The following HAL variants were observed in gnomAD, a reference collection of about 807,000 sequenced individuals.
The protein encoded by HAL is histidine ammonia-lyase.
In HAL, 85 loss-of-function variants were observed where a neutral mutation model predicts 81.1. The observed-to-expected ratio is 1.05, with a 90% CI of 0.88 to 1.25. The LOEUF (loss-of-function observed/expected upper bound fraction) is 1.25, where lower values mean the gene tolerates loss of function less well. HAL is among the 50% of genes most tolerant of loss of function. HAL has a pLI of 0.00. For synonymous variants in HAL, 301 were observed against 309.2 expected (o/e 0.97, Z 0.28); for missense variants, 798 against 836.6 (o/e 0.95, Z 0.57).
chr12:95,995,571 C>T (rs1477826164), intron 2 of HAL, 93 bp downstream of exon 2: 37 of 1,549,782 alleles, frequency 2.4e-5, no homozygotes, highest in Non-Finnish European at 3.2e-5. Flanking sequence ...CTGACCTCTG[C>T]TCATCATTTT....
chr12:95,983,963 G>A lies in HAL; in HGVS notation c.1235C>T (p.Ala412Val), dbSNP rs1177362718. The A allele has an allele frequency of 1.3e-6, 2 of 1,585,626 alleles. No individual in the cohort carries two copies. The highest frequency in any genetic ancestry group is 1.9e-4 in the Middle Eastern group (1 of 5,390). Reference sequence around the variant, plus strand: ...TGTGGTAATGATGTTCTTCACAAATGCTATTGTATCATTCACCACACCATG... The same window carrying A: ...TGTGGTAATGATGTTCTTCACAAATACTATTGTATCATTCACCACACCATG... ...QVHGVVNDTI[A>V]FVKNIITTEL... Residue 412 changes from alanine to valine, a missense_variant, in exon 15 of 21, where the codon GCA becomes GTA. Physicochemically the swap from Ala to Val is moderately conservative, Grantham distance 64. Coordinates refer to ENST00000261208, the MANE Select transcript of HAL (RefSeq NM_002108.4).
Position 95,986,118 on chromosome 12 carries a change from G to A in HAL, c.1094C>T (p.Ala365Val), listed in dbSNP as rs1337150738. The A allele has an allele frequency of 6.2e-7, 1 of 1,612,730 alleles. No individual in the cohort carries two copies. The highest frequency in any genetic ancestry group is 2.2e-5 in the East Asian group (1 of 44,888). The change falls in exon 13 of 21, where the codon GCT becomes GTT. Residue 365 changes from alanine (A) to valine (V), a missense_variant. Transcript: ENST00000261208. ...GTCCAAGAGTGACCGAAACCGAAAA[G>A]CAACTTCAATTTGCCCACGGTGAGG... is the stretch of plus-strand genomic sequence containing the variant. ...LRPHRGQIEV[A>V]FRFRSLLDSD... is the part of the protein sequence containing the mutation.
rs143523601 is a variant in HAL, at chr12:95,977,908, C to G, written c.1654+36G>C. ...GAGAACCACGGGCACAGTGGTCTATCAGGCAGGCCCGCCACCCCGAACTCA... is the reference window on the plus strand; with the variant it reads ...GAGAACCACGGGCACAGTGGTCTATGAGGCAGGCCCGCCACCCCGAACTCA... On this transcript the variant is annotated intron_variant, in intron 18 of 20. Coordinates refer to ENST00000261208, the MANE Select transcript of HAL (RefSeq NM_002108.4). The G allele has an allele frequency of 4.2e-4, 683 of 1,612,082 alleles. 3 individuals carry two copies. In the African/African-American group the frequency reaches 7.9e-3, roughly 19 times the overall value.
chr12:95,989,231 G>C (rs749980857), intron 10 of HAL, among the ~76,000 whole-genome samples: 1 of 152,208 alleles, frequency 6.6e-6, no homozygotes, highest in African/African-American at 2.4e-5. Flanking sequence ...ACCCAGGCTA[G>C]AGCGAGCACA....
chr12:95,985,861 A>T, intron 14 of HAL, 47 bp downstream of exon 14: 3 of 1,324,710 alleles, frequency 2.3e-6, no homozygotes, highest in Non-Finnish European at 2.1e-6. Flanking sequence ...GGAAAGAAAA[A>T]CTTTATTGGC....
chr12:95,975,347 C>CTTT (rs35532808), intron 20 of HAL, among the ~76,000 whole-genome samples: 18,757 of 141,826 alleles, frequency 0.13, 1,406 homozygotes, highest in African/African-American at 0.19. Flanking sequence ...CCTCTTTTTT[C>CTTT]TTTTTTTTTT....
At chr12:95,993,354 C>T (rs1159773384) in intron 8 of HAL, 97 bp downstream of exon 8, 3 of 854,792 alleles carry the variant, frequency 3.5e-6, no homozygotes, top group Non-Finnish European at 6.2e-6. Context: ...TTTTGAGAAA[C>T]TAGCTTTTTG....
At position 95,983,973 on chromosome 12, in the gene HAL, C is replaced by A. The variant is rs1346814525; in HGVS notation, c.1225G>T (p.Asp409Tyr). The change falls in exon 15 of 21, where the codon GAT (aspartate) becomes TAT (tyrosine). Residue 409 changes from aspartate to tyrosine, a missense_variant. Asp to Tyr is a radical substitution (Grantham distance 160). Coordinates refer to ENST00000261208, the MANE Select transcript of HAL (RefSeq NM_002108.4). ...ATGTTCTTCACAAATGCTATTGTATCATTCACCACACCATGGACCTAAAAT... is the reference window on the plus strand; with the variant it reads ...ATGTTCTTCACAAATGCTATTGTATAATTCACCACACCATGGACCTAAAAT... ...CCPQVHGVVN[D>Y]TIAFVKNIIT... 1.3e-6 allele frequency: 2 copies of A among 1,568,402 alleles called. No individual in the cohort carries two copies. The highest frequency in any genetic ancestry group is 1.7e-5 in the Admixed American group (1 of 59,938).
In HAL at chr12:95,993,450, C is replaced by T. The variant is rs754607704; in HGVS notation, c.589+1G>A. On this transcript the variant is annotated splice_donor_variant, in intron 8 of 20. Transcript: ENST00000261208. LOFTEE classifies it high-confidence loss of function. ...AGGAGGCACCCAACGTTTTGACTTA[C>T]CTGAAGAATGTGAGCGTACTAAGTT... The T allele has an allele frequency of 6.3e-7, 1 of 1,597,568 alleles. No individual in the cohort carries two copies. Among genetic ancestry groups the T allele is most frequent in the Non-Finnish European group, 8.6e-7 (1 of 1,164,854 alleles).
Position 95,993,503 on chromosome 12 carries a change from TA to T in HAL, c.552-16del. On this transcript the variant is annotated splice_polypyrimidine_tract_variant and intron_variant, in intron 7 of 20. Coordinates refer to ENST00000261208, the MANE Select transcript of HAL (RefSeq NM_002108.4). ...CCTGAAGCTCCCTGCAACAGAAAGG[TA>T]AAAACCCTCTTAGATACATTGCAGT... is the stretch of plus-strand genomic sequence containing the variant. The T allele has an allele frequency of 6.4e-7, 1 of 1,567,768 alleles. No homozygotes were observed. The highest frequency in any genetic ancestry group is 8.8e-7 in the Non-Finnish European group (1 of 1,137,628).
At chr12:95,985,199 G>A (rs1290465853) in intron 14 of HAL, among the ~76,000 whole-genome samples, 2 of 152,108 alleles carry the variant, frequency 1.3e-5, no homozygotes, top group East Asian at 3.8e-4. Flanking sequence ...CTGACTATCT[G>A]GTTAAAGTTT....
chr12:95,988,318 A>T, intron 10 of HAL, 78 bp from the exon 11 acceptor site: 1 of 806,992 alleles, frequency 1.2e-6, no homozygotes. Context: ...GGAATCCAAT[A>T]ATAGCTCTTT....
Position 95,988,951 on chromosome 12 carries a change from C to G in HAL, c.856-711G>C, listed in dbSNP as rs140601988. Among the ~76,000 whole-genome samples the G allele has an allele frequency of 2.5e-3, 375 of 152,284 alleles. 1 individual carries two copies. Among genetic ancestry groups the G allele is most frequent in the Admixed American group, 4.8e-3 (74 of 15,296 alleles). On this transcript the variant is annotated intron_variant, in intron 10 of 20. Transcript: ENST00000261208. ...TCAATTTCACAGATTCAAGTATCAG[C>G]TAGAGGCTGGATTCTGTTCTGGGTG... is the stretch of plus-strand genomic sequence containing the variant.
chr12:95,985,197 C>T (rs1949866629), intron 14 of HAL, among the ~76,000 whole-genome samples: 1 of 152,206 alleles, frequency 6.6e-6, no homozygotes, highest in African/African-American at 2.4e-5. Context: ...CTCTGACTAT[C>T]TGGTTAAAGT....
At chr12:95,991,689 A>G (rs987595353) in intron 9 of HAL, among the ~76,000 whole-genome samples, 1 of 152,228 alleles carries the variant, frequency 6.6e-6, no homozygotes, top group Non-Finnish European at 1.5e-5. Context: ...CTTCTGGCTG[A>G]TAGTTCACGC....
intron 2 of HAL, chr12:95,995,299 C>CTGGGGG (rs1276851909): frequency 1.8e-6 from 1 of 565,400 alleles, no homozygotes; most frequent in Non-Finnish European, 3.2e-6. Context: ...GGCCTCCAGT[C>CTGGGGG]TGGGGGTGGG....
intron 20 of HAL, among the ~76,000 whole-genome samples, chr12:95,974,825 C>T (rs540497873): frequency 6.6e-6 from 1 of 152,220 alleles, no homozygotes; most frequent in Admixed American, 6.5e-5. Flanking sequence ...CTGCAACCTC[C>T]ACCTTCCAGG....
intron 15 of HAL, among the ~76,000 whole-genome samples, chr12:95,982,974 C>G (rs1166650857): frequency 1.3e-5 from 2 of 152,200 alleles, no homozygotes; most frequent in South Asian, 2.1e-4. Context: ...CCAGATGGCT[C>G]TGAGATAAGC....
At chr12:95,984,861 C>A (rs1480310462) in intron 14 of HAL, among the ~76,000 whole-genome samples, 1 of 152,136 alleles carries the variant, frequency 6.6e-6, no homozygotes, top group African/African-American at 2.4e-5. Flanking sequence ...GCTCAATAAG[C>A]TAGCTAGAAA....
Sources: allele counts gnomAD v4.1 joint callset (sites outside exome capture counted in the v4.1 genomes callset), GRCh38; gene constraint gnomAD v4.1.1; transcripts MANE v1.5; gene names NCBI Gene and HGNC (gene_info 2026-07-23, HGNC 2026-07-21).